The following TRPM3 variants were observed in gnomAD, a reference collection of about 807,000 sequenced individuals.
TRPM3 encodes long transient receptor potential channel 3.
In TRPM3, 77 loss-of-function variants were observed where a neutral mutation model predicts 181.2. That is an observed-to-expected ratio of 0.42 (90% CI 0.35 to 0.51). The LOEUF is 0.51. TRPM3 is among the 20% of genes least tolerant of loss of function. TRPM3 has a pLI of 0.01. For missense variants in TRPM3, 1,759 were observed against 2,196.7 expected, an observed-to-expected ratio of 0.80 and a Z score of 3.98; for synonymous variants, 745 against 796.4, an observed-to-expected ratio of 0.94 and a Z score of 1.09.
intron 1 of TRPM3, among the ~76,000 whole-genome samples, chr9:70,900,123 T>C (rs868612091): frequency 6.6e-6 from 1 of 152,138 alleles, no homozygotes. Context: ...ATGACACAGA[T>C]ACAATCATAC....
chr9:71,333,295 A>T (rs2090340091), intron 1 of TRPM3, among the ~76,000 whole-genome samples: 1 of 151,960 alleles, frequency 6.6e-6, no homozygotes, highest in Non-Finnish European at 1.5e-5. Flanking sequence ...AAAACTCAGC[A>T]GTACGAAATT....
intron 1 of TRPM3, among the ~76,000 whole-genome samples, chr9:71,095,775 A>AG (rs1554824413): frequency 7.0e-4 from 105 of 150,968 alleles, no homozygotes; most frequent in African/African-American, 2.2e-3. Context: ...AAAAAAAAAA[A>AG]AAAGAAAGAA....
intron 1 of TRPM3, among the ~76,000 whole-genome samples, chr9:71,420,955 G>A (rs1050201004): frequency 7.3e-6 from 1 of 136,926 alleles, no homozygotes; most frequent in African/African-American, 3.2e-5. Flanking sequence ...GAGAAAAAGG[G>A]AGAGAAAAAG....
chr9:71,365,024 A>G (rs955455004), intron 1 of TRPM3, among the ~76,000 whole-genome samples: 1 of 152,214 alleles, frequency 6.6e-6, no homozygotes, highest in Non-Finnish European at 1.5e-5. Context: ...ACCCGATGTT[A>G]GTCACACCAG....
chr9:71,053,806 T>G (rs1591017317), intron 1 of TRPM3, among the ~76,000 whole-genome samples: 1 of 152,146 alleles, frequency 6.6e-6, no homozygotes, highest in East Asian at 1.9e-4. Flanking sequence ...TTTCTCGAAG[T>G]TACTCTAAAG....
intron 1 of TRPM3, among the ~76,000 whole-genome samples, chr9:71,119,788 C>T (rs993708257): frequency 5.3e-5 from 8 of 152,130 alleles, no homozygotes; most frequent in Admixed American, 5.2e-4. Context: ...TGTTAATTCT[C>T]TGGCCTCATT....
intron 22 of TRPM3, among the ~76,000 whole-genome samples, chr9:70,575,109 ATTT>A (rs55876205): frequency 4.5e-5 from 6 of 134,328 alleles, no homozygotes; most frequent in Non-Finnish European, 1.6e-5. Flanking sequence ...ATCCCGCATA[ATTT>A]TTTTTTTTTT....
chr9:71,309,633 G>T (rs1308328929), intron 1 of TRPM3, among the ~76,000 whole-genome samples: 1 of 151,980 alleles, frequency 6.6e-6, no homozygotes, highest in Non-Finnish European at 1.5e-5. Context: ...GAAATAATGG[G>T]CACATGAATA....
At chr9:70,926,431 T>C (rs950659153) in intron 1 of TRPM3, among the ~76,000 whole-genome samples, 4 of 152,136 alleles carry the variant, frequency 2.6e-5, no homozygotes, top group Non-Finnish European at 5.9e-5. Flanking sequence ...CAAGTACATG[T>C]GATTTCATAG....
At chr9:70,592,896 A>T (rs1354399016) in intron 21 of TRPM3, among the ~76,000 whole-genome samples, 1 of 151,722 alleles carries the variant, frequency 6.6e-6, no homozygotes, top group South Asian at 2.1e-4. Flanking sequence ...TGCCCCGCTA[A>T]TTTTTTTGTA....
At chr9:71,429,151 T>C (rs565572570) in intron 1 of TRPM3, among the ~76,000 whole-genome samples, 14 of 152,324 alleles carry the variant, frequency 9.2e-5, no homozygotes, top group African/African-American at 3.1e-4. Context: ...TTCTCCCAAC[T>C]ACCTTTCATA....
chr9:71,294,363 A>G (rs959098189), intron 1 of TRPM3, among the ~76,000 whole-genome samples: 1 of 152,068 alleles, frequency 6.6e-6, no homozygotes, highest in Non-Finnish European at 1.5e-5. Context: ...TAAACATATG[A>G]CATGATGCTC....
At chr9:71,166,508 T>C (rs1356088583) in intron 1 of TRPM3, among the ~76,000 whole-genome samples, 3 of 151,976 alleles carry the variant, frequency 2.0e-5, no homozygotes, top group Non-Finnish European at 4.4e-5. Flanking sequence ...AGTCTACTAC[T>C]GGGAGAAAAG....
intron 8 of TRPM3, among the ~76,000 whole-genome samples, chr9:70,684,178 C>T (rs1489280401): frequency 6.6e-6 from 1 of 152,180 alleles, no homozygotes; most frequent in Non-Finnish European, 1.5e-5. Flanking sequence ...ACAAGATTAT[C>T]AGGTTTTCCT....
rs2058006053 is a variant in TRPM3, at chr9:70,590,889, G to T, written c.3223+142C>A. On this transcript the variant is annotated intron_variant, in intron 22 of 25. Transcript: ENST00000677713. ...TGTGTATTCACCTTCTGTAATTTTTGTTTCCTCCAAGATAGCAAGCTAGGA... is the reference window on the plus strand; with the variant it reads ...TGTGTATTCACCTTCTGTAATTTTTTTTTCCTCCAAGATAGCAAGCTAGGA... 9.2e-6 allele frequency: 10 copies of T among 1,089,838 alleles called. No individual in the cohort carries two copies. In the South Asian group the frequency reaches 1.3e-4, roughly 15 times the overall value. 67.5% of individuals were successfully genotyped at this position (1,089,838 alleles called of 1,614,324 possible).
intron 22 of TRPM3, among the ~76,000 whole-genome samples, chr9:70,580,106 G>T (rs746597701): frequency 6.6e-6 from 1 of 152,198 alleles, no homozygotes; most frequent in Non-Finnish European, 1.5e-5. Flanking sequence ...TAAAAGAGAA[G>T]GTTGTTGCTC....
chr9:70,761,208 T>G lies in TRPM3; in HGVS notation c.1272+393A>C. Reference sequence around the variant, plus strand: ...TTAGTGTAACAGCCTGGACCCTTTGTCATTAAAGCTATTTGACAGAAAGCA... The same window carrying G: ...TTAGTGTAACAGCCTGGACCCTTTGGCATTAAAGCTATTTGACAGAAAGCA... On this transcript the variant is annotated intron_variant, in intron 8 of 25. Coordinates refer to ENST00000677713, the MANE Select transcript of TRPM3 (RefSeq NM_001366145.2). The G allele has an allele frequency of 1.1e-5, 6 of 564,036 alleles. 1 individual carries two copies. The South Asian group carries it at 1.4e-4, about 13-fold the overall frequency. The allele number at this position is 564,036 out of a possible 1,614,324, so 34.9% of individuals were successfully genotyped here.
chr9:71,301,987 C>T (rs901502827), intron 1 of TRPM3, among the ~76,000 whole-genome samples: 3 of 152,028 alleles, frequency 2.0e-5, no homozygotes, highest in East Asian at 1.9e-4. Flanking sequence ...AATGAAACAG[C>T]GTTTGTGTTT....
chr9:71,191,731 G>T (rs188800653), intron 1 of TRPM3, among the ~76,000 whole-genome samples: 2 of 151,260 alleles, frequency 1.3e-5, no homozygotes, highest in Non-Finnish European at 3.0e-5. Flanking sequence ...TGCTCCCATT[G>T]TGGAGCAAAT....
Sources: gnomAD v4.1 joint callset for allele counts (sites outside exome capture counted in the v4.1 genomes callset) on GRCh38, gnomAD v4.1.1 for gene constraint, MANE v1.5 for transcripts, NCBI Gene and HGNC (gene_info 2026-07-23, HGNC 2026-07-21) for gene names.